WASHC4: variants seen among roughly 807,000 people sequenced by gnomAD.
WASHC4 encodes the protein WASH complex subunit 4.
Under a neutral mutation model 166.6 loss-of-function variants are expected in WASHC4, and 86 were observed. The observed-to-expected ratio is 0.52, with a 90% confidence interval of 0.43 to 0.62. The LOEUF is 0.62. Among genes scored for constraint, WASHC4 ranks in the 20% least tolerant of loss-of-function variants. WASHC4 has a pLI of 0.00. For missense variants in WASHC4, 1,262 were observed against 1,382.4 expected (o/e 0.91, Z 1.38); for synonymous variants, 446 against 451.6 (o/e 0.99, Z 0.16).
chr12:105,141,832 C>T (rs1004031493), intron 18 of WASHC4, among the ~76,000 whole-genome samples: 1 of 151,940 alleles, frequency 6.6e-6, no homozygotes, highest in African/African-American at 2.4e-5. Context: ...TTTTGTTGTT[C>T]TGGAGAAGCT....
intron 4 of WASHC4, 37 bp downstream of exon 4, chr12:105,114,464 C>A (rs200909711): frequency 1.9e-6 from 2 of 1,058,660 alleles, no homozygotes; most frequent in Non-Finnish European, 2.5e-6. Context: ...ACTTTAAAAA[C>A]ATCATTTAGA....
In WASHC4 at chr12:105,149,296, T is replaced by A. The variant is rs1185342756; in HGVS notation, c.2515-319T>A. 9 of 985,312 alleles carry A rather than the reference T, an allele frequency of 9.1e-6. No individual in the cohort carries two copies. In the South Asian group the frequency reaches 3.8e-4, roughly 41 times the overall value. 61.0% of individuals were successfully genotyped at this position (985,312 alleles called of 1,614,324 possible). On this transcript the variant is annotated intron_variant, in intron 24 of 32. Transcript: ENST00000332180. Reference sequence around the variant, plus strand: ...TAGAAACTTCTCACTGGACCATGGCTTAAAAACTAGAGTCTTGAGTCTGGT... The same window carrying A: ...TAGAAACTTCTCACTGGACCATGGCATAAAAACTAGAGTCTTGAGTCTGGT...
At chr12:105,114,033 C>T (rs1225746660) in intron 2 of WASHC4, among the ~76,000 whole-genome samples, 183 bp from the exon 3 acceptor site, 1 of 151,906 alleles carries the variant, frequency 6.6e-6, no homozygotes, top group Non-Finnish European at 1.5e-5. Context: ...TCATGTTGGG[C>T]CATTTCTTTC....
chr12:105,141,288 G>A (rs371805963), intron 18 of WASHC4, 42 bp downstream of exon 18: 9 of 1,273,310 alleles, frequency 7.1e-6, no homozygotes, highest in Middle Eastern at 1.9e-4. Context: ...CAAAGACAGG[G>A]TTAATAGAAA....
chr12:105,133,832 C>G lies in WASHC4; in HGVS notation c.1262C>G (p.Ser421Cys). 4 of 1,611,218 alleles carry G rather than the reference C, an allele frequency of 2.5e-6. No homozygotes were observed. Among genetic ancestry groups the G allele is most frequent in the Non-Finnish European group, 3.4e-6 (4 of 1,177,810 alleles). The change falls in exon 14 of 33, where the codon TCT becomes TGT. Residue 421 changes from serine (S) to cysteine (C), a missense_variant. By Grantham distance (112) the Ser-to-Cys change is moderately radical. Coordinates refer to ENST00000332180, the MANE Select transcript of WASHC4 (RefSeq NM_015275.3). ...ATGATGAAAATGGAATCTATTTTGT[C>G]TAAAGAGCAGAGAATGGATAAATTT... ...SWMMKMESILSKEQRMDKFAE... is the reference protein window; with the variant it reads ...SWMMKMESILCKEQRMDKFAE...
At chr12:105,157,009 T>A (rs1316403377) in intron 27 of WASHC4, among the ~76,000 whole-genome samples, 2 of 152,206 alleles carry the variant, frequency 1.3e-5, no homozygotes, top group African/African-American at 2.4e-5. Context: ...TTTATCAATA[T>A]GGTTTATGAA....
intron 15 of WASHC4, among the ~76,000 whole-genome samples, chr12:105,139,425 GTATATATATATA>G (rs71069791): frequency 2.1e-4 from 22 of 103,228 alleles, no homozygotes; most frequent in East Asian, 8.3e-4. Flanking sequence ...ATGTGTGTGT[GTATATATATATA>G]TATATATATA....
rs878858423 is a variant in WASHC4, at chr12:105,126,596, C to G, written c.1038+234C>G. Among the ~76,000 whole-genome samples the G allele has an allele frequency of 2.0e-5, 3 of 152,004 alleles. No individual in the cohort carries two copies. In the South Asian group the frequency reaches 6.2e-4, roughly 31 times the overall value. On this transcript the variant is annotated intron_variant, in intron 12 of 32. Coordinates refer to ENST00000332180, the MANE Select transcript of WASHC4 (RefSeq NM_015275.3). ...TCAGATTTGTTCCTGTACAACTTCT[C>G]TTAGTGCTACTAATACTACTTTTTT...
intron 24 of WASHC4, chr12:105,147,623 C>T: frequency 1.0e-6 from 1 of 999,100 alleles, no homozygotes; most frequent in Non-Finnish European, 1.2e-6. Flanking sequence ...TGGGCATTCA[C>T]CGCTTGGCGT....
chr12:105,140,123 G>C (rs975343912), intron 15 of WASHC4, among the ~76,000 whole-genome samples, 171 bp from the exon 16 acceptor site: 2 of 151,980 alleles, frequency 1.3e-5, no homozygotes, highest in African/African-American at 4.8e-5. Flanking sequence ...CACCTGCCTC[G>C]ACCTCCCAAA....
Position 105,160,035 on chromosome 12 carries a change from A to T in WASHC4, c.2947A>T (p.Asn983Tyr), listed in dbSNP as rs1443724279. The change falls in exon 29 of 33, where the codon AAT becomes TAT. Residue 983 changes from asparagine to tyrosine, a missense_variant. Coordinates refer to ENST00000332180, the MANE Select transcript of WASHC4 (RefSeq NM_015275.3). Reference sequence around the variant, plus strand: ...TTCAGTCCTCAGTGATCACACACGAAATTCTGCCGAAGGCACAGAATATTT... The same window carrying T: ...TTCAGTCCTCAGTGATCACACACGATATTCTGCCGAAGGCACAGAATATTT... The part of the protein sequence containing the change: ...LDSVLSDHTR[N>Y]SAEGTEYFKM... 1.2e-6 allele frequency: 2 copies of T among 1,613,976 alleles called. No homozygotes were observed. Among genetic ancestry groups the T allele is most frequent in the Non-Finnish European group, 8.5e-7 (1 of 1,179,958 alleles).
Position 105,167,179 on chromosome 12 carries a change from T to C in WASHC4, c.*248T>C. 2.2e-6 allele frequency: 1 copy of C among 459,716 alleles called. No homozygotes were observed. Among genetic ancestry groups the C allele is most frequent in the South Asian group, 2.7e-5 (1 of 36,364 alleles). 28.5% of individuals were successfully genotyped at this position (459,716 alleles called of 1,614,324 possible). ...ACTTGAGGGTACAAGATGTTTCTATTTGAAGTGAAGTTATAAAAGGGCAAA... is the reference window on the plus strand; with the variant it reads ...ACTTGAGGGTACAAGATGTTTCTATCTGAAGTGAAGTTATAAAAGGGCAAA... On this transcript the variant is annotated 3_prime_UTR_variant, in exon 33 of 33. Transcript: ENST00000332180.
chr12:105,107,745 G>T lies in WASHC4; in HGVS notation c.-56G>T. 1 of 1,319,512 alleles carries T rather than the reference G, an allele frequency of 7.6e-7. No homozygotes were observed. The allele number at this position is 1,319,512 out of a possible 1,614,324, so 81.7% of individuals were successfully genotyped here. A position where few individuals can be genotyped will look rare whatever the true frequency, so the allele number is the denominator to read the frequency against. ...CGTGCTGTGACAGTAGCTGGGGTGA[G>T]GCCGTCGTCGCCGCACGGGCTGGTT... is the stretch of plus-strand genomic sequence containing the variant. On this transcript the variant is annotated 5_prime_UTR_variant, in exon 1 of 33. The change creates a new upstream start codon in the 5' untranslated region. Coordinates refer to ENST00000332180, the MANE Select transcript of WASHC4 (RefSeq NM_015275.3).
intron 14 of WASHC4, among the ~76,000 whole-genome samples, chr12:105,136,060 GT>G (rs1235382263): frequency 6.6e-6 from 1 of 152,152 alleles, no homozygotes; most frequent in Non-Finnish European, 1.5e-5. Context: ...AGCAACCCAG[GT>G]TATATCAATC....
At chr12:105,124,015 A>G (rs1015013827) in intron 10 of WASHC4, among the ~76,000 whole-genome samples, 2 of 152,218 alleles carry the variant, frequency 1.3e-5, no homozygotes, top group Non-Finnish European at 2.9e-5. Flanking sequence ...TGAAGGCTCA[A>G]ATGTTAGCAT....
chr12:105,160,119 C>T lies in WASHC4; in HGVS notation c.3031C>T (p.Arg1011Ter), dbSNP rs1884403673. The change falls in exon 29 of 33, where the codon CGA becomes TGA. Residue 1011 changes from arginine (R) to a stop codon, truncating the protein, a stop_gained. Transcript: ENST00000332180. LOFTEE classifies it high-confidence loss of function. ...TCGAAGGCCAAAGAATATACATCTC[C>T]GAAATTTCTATATAATTGTTCCCCC... ...EFRRPKNIHL[R>*]NFYIIVPPLT... 4.3e-6 allele frequency: 7 copies of T among 1,613,646 alleles called. No individual in the cohort carries two copies. The highest frequency in any genetic ancestry group is 2.2e-5 in the East Asian group (1 of 44,858).
At chr12:105,109,133 C>G (rs145230580) in intron 1 of WASHC4, among the ~76,000 whole-genome samples, 1 of 152,120 alleles carries the variant, frequency 6.6e-6, no homozygotes, top group Admixed American at 6.5e-5. Flanking sequence ...GGTATTAGCT[C>G]TTATGCAGCA....
At chr12:105,135,173 A>G (rs1417426940) in intron 14 of WASHC4, among the ~76,000 whole-genome samples, 1 of 151,970 alleles carries the variant, frequency 6.6e-6, no homozygotes, top group African/African-American at 2.4e-5. Flanking sequence ...AGGCATTATT[A>G]TCGCTATTGT....
intron 31 of WASHC4, 105 bp downstream of exon 31, chr12:105,164,412 A>C: frequency 9.9e-7 from 1 of 1,011,098 alleles, no homozygotes; most frequent in Non-Finnish European, 1.5e-6. Flanking sequence ...CCATTTTCAC[A>C]AGTGAGATGA....
Sources: gnomAD v4.1 joint callset for allele counts (sites outside exome capture counted in the v4.1 genomes callset) on GRCh38, gnomAD v4.1.1 for gene constraint, MANE v1.5 for transcripts, NCBI Gene and HGNC (gene_info 2026-07-23, HGNC 2026-07-21) for gene names.